The following SLC35A5 variants were observed in gnomAD, a reference collection of about 807,000 sequenced individuals.
SLC35A5 encodes the protein solute carrier family 35 member A5.
In SLC35A5, 28 loss-of-function variants were observed where a neutral mutation model predicts 36.3. That is an observed-to-expected ratio of 0.77 (90% confidence interval 0.57 to 1.06). The LOEUF is 1.06. Ranked by LOEUF, SLC35A5 falls within the 50% of genes least tolerant of loss-of-function variation. SLC35A5 has a pLI of 0.00. For missense variants in SLC35A5, 521 were observed against 499.3 expected (o/e 1.04, Z -0.41); for synonymous variants, 180 against 173.7 (o/e 1.04, Z -0.29).
chr3:112,570,499 GCATTCTC>G, intron 3 of SLC35A5, 34 bp from the exon 4 acceptor site: 3 of 1,563,454 alleles, frequency 1.9e-6, no homozygotes, highest in Non-Finnish European at 2.6e-6. Context: ...AAAAATGTGG[GCATTCTC>G]ATCAAGGTCA....
rs1935009005 is a variant in SLC35A5 at position 112,583,140 on chromosome 3, T to C, written c.*404T>C. ...TTTACATGCCAAAGTCTTCCCTTTT[T>C]AACATTATAAAAGCTAGGTTGTCTC... is the stretch of plus-strand genomic sequence containing the variant. On this transcript the variant is annotated 3_prime_UTR_variant, in exon 7 of 7. Transcript: ENST00000492406. The C allele has an allele frequency of 2.5e-6, 1 of 398,870 alleles. No individual in the cohort carries two copies. The highest frequency in any genetic ancestry group is 4.4e-6 in the Non-Finnish European group (1 of 226,370). The allele number at this position is 398,870 out of a possible 1,614,324, so 24.7% of individuals were successfully genotyped here. A position where few individuals can be genotyped will look rare whatever the true frequency, so the allele number is the denominator to read the frequency against.
At position 112,562,482 on chromosome 3, in the gene SLC35A5, G is replaced by A. The variant is rs565139220; in HGVS notation, c.-20+209G>A. 1.2e-4 allele frequency among the ~76,000 whole-genome samples: 18 copies of A among 152,334 alleles called. No individual in the cohort carries two copies. In the East Asian group the frequency reaches 3.5e-3, roughly 29 times the overall value. On this transcript the variant is annotated intron_variant, in intron 1 of 6. Transcript: ENST00000492406. ...TCTCCCCACTCCCCGCAGGCTCTAT[G>A]CGCTATTCCTACAGTACGCTGGGAG... is the stretch of plus-strand genomic sequence containing the variant.
In SLC35A5 at chr3:112,584,219, AGAGT is replaced by A. The variant is rs1222525742; in HGVS notation, c.*1487_*1490del. On this transcript the variant is annotated 3_prime_UTR_variant, in exon 7 of 7. Coordinates refer to ENST00000492406, the MANE Select transcript of SLC35A5 (RefSeq NM_017945.5). ...TAGAGTACTTTTAATCTTAAAAAATAGAGTGAGACAAAAACCTACACAACTTTTA... is the reference window on the plus strand; with the variant it reads ...TAGAGTACTTTTAATCTTAAAAAATAGAGACAAAAACCTACACAACTTTTA... 6.6e-6 allele frequency: 1 copy of A among 152,188 alleles called. No homozygotes were observed. The highest frequency in any genetic ancestry group is 2.4e-5 in the African/African-American group (1 of 41,450). 9.4% of individuals were successfully genotyped at this position (152,188 alleles called of 1,614,324 possible). A position where few individuals can be genotyped will look rare whatever the true frequency, so the allele number is the denominator to read the frequency against.
chr3:112,574,494 C>G lies in SLC35A5; in HGVS notation c.428+538C>G, dbSNP rs76060166. ...ATGTTATCACCAGTTTTTACTATCTCCAAGAGGACCGTTGAATAGTATAAA... is the reference window on the plus strand; with the variant it reads ...ATGTTATCACCAGTTTTTACTATCTGCAAGAGGACCGTTGAATAGTATAAA... On this transcript the variant is annotated intron_variant, in intron 5 of 6. Transcript: ENST00000492406. 7.1e-3 allele frequency among the ~76,000 whole-genome samples: 1,078 copies of G among 152,150 alleles called. 11 individuals carry two copies. Among genetic ancestry groups the G allele is most frequent in the African/African-American group, 0.024 (1,009 of 41,516 alleles).
Position 112,580,856 on chromosome 3 carries a change from A to G in SLC35A5, c.739A>G (p.Asn247Asp), listed in dbSNP as rs751359097. The change falls in exon 6 of 7, where the codon AAT becomes GAT. Residue 247 changes from asparagine to aspartate, a missense_variant. By Grantham distance (23) the Asn-to-Asp change is conservative (BLOSUM62 1). Transcript: ENST00000492406. ...IVQCFISSMA[N>D]IYNEKILKEG... ...CCAGTGTTTTATTTCTTCAATGGCT[A>G]ATATCTATAATGAAAAGATACTGAA... The G allele has an allele frequency of 6.2e-7, 1 of 1,614,176 alleles. No individual in the cohort carries two copies. Among genetic ancestry groups the G allele is most frequent in the Admixed American group, 1.7e-5 (1 of 60,012 alleles).
rs749139954 is a variant in SLC35A5 at position 112,573,929 on chromosome 3, C to T, written c.401C>T (p.Thr134Ile). Residue 134 changes from threonine to isoleucine, a missense_variant, in exon 5 of 7, where the codon ACA becomes ATA. By Grantham distance (89) the Thr-to-Ile change is moderately conservative (BLOSUM62 -1). Coordinates refer to ENST00000492406, the MANE Select transcript of SLC35A5 (RefSeq NM_017945.5). ...TTCTCAAATTTTAGCATTATAACAACAGCTCTTCTATTCAGGATAGTGCTG... is the reference window on the plus strand; with the variant it reads ...TTCTCAAATTTTAGCATTATAACAATAGCTCTTCTATTCAGGATAGTGCTG... ...VIFSNFSIIT[T>I]ALLFRIVLKR... 1.3e-5 allele frequency: 21 copies of T among 1,613,376 alleles called. No homozygotes were observed. The highest frequency in any genetic ancestry group is 1.8e-5 in the Non-Finnish European group (21 of 1,179,506).
upstream of SLC35A5, chr3:112,561,577 C>T (rs757005529): frequency 5.1e-6 from 8 of 1,576,308 alleles, no homozygotes; most frequent in South Asian, 7.9e-5. Context: ...GAAAGTGCAG[C>T]CGTGTCAGGG....
intron 5 of SLC35A5, among the ~76,000 whole-genome samples, chr3:112,576,686 A>G (rs1559861809): frequency 6.6e-6 from 1 of 152,116 alleles, no homozygotes; most frequent in Admixed American, 6.5e-5. Flanking sequence ...AGCTTAGCAT[A>G]TTGTCTTCAC....
chr3:112,562,779 C>T (rs1028800324), intron 1 of SLC35A5, among the ~76,000 whole-genome samples: 6 of 152,170 alleles, frequency 3.9e-5, no homozygotes, highest in African/African-American at 1.4e-4. Flanking sequence ...AGAGTAAAAG[C>T]GAGGCCGGGC....
At chr3:112,561,356 A>AG, upstream of SLC35A5, 1 of 1,269,084 alleles carries the variant, frequency 7.9e-7, no homozygotes. Context: ...CTGCCTTCCT[A>AG]CACCTTGCCC....
Position 112,580,561 on chromosome 3 carries a change from G to T in SLC35A5, c.444G>T (p.Trp148Cys). 6.2e-7 allele frequency: 1 copy of T among 1,612,576 alleles called. No homozygotes were observed. The highest frequency in any genetic ancestry group is 8.5e-7 in the Non-Finnish European group (1 of 1,179,284). Residue 148 changes from tryptophan (W) to cysteine (C), a missense_variant, in exon 6 of 7, where the codon TGG (tryptophan) becomes TGT (cysteine). Coordinates refer to ENST00000492406, the MANE Select transcript of SLC35A5 (RefSeq NM_017945.5). ...FRIVLKRRLN[W>C]IQWASLLTLF... is the part of the protein sequence containing the mutation. ...CTTTGAACAGGAGGCGTCTAAACTG[G>T]ATCCAGTGGGCTTCCCTCCTGACTT...
chr3:112,573,608 A>G (rs1934544174), intron 4 of SLC35A5, among the ~76,000 whole-genome samples: 1 of 152,242 alleles, frequency 6.6e-6, no homozygotes, highest in African/African-American at 2.4e-5. Context: ...AAGCATAGCA[A>G]CTGTCATTTC....
chr3:112,579,484 G>C (rs556094254), intron 5 of SLC35A5, among the ~76,000 whole-genome samples: 64 of 151,840 alleles, frequency 4.2e-4, no homozygotes, highest in African/African-American at 1.4e-3. Context: ...GAGGCCTCCT[G>C]ACAACGCCAA....
intron 1 of SLC35A5, 127 bp from the exon 2 acceptor site, chr3:112,563,258 C>G: frequency 1.6e-6 from 1 of 616,566 alleles, no homozygotes; most frequent in Non-Finnish European, 2.5e-6. Context: ...TATGCCTCAA[C>G]TTTCTTGGTG....
intron 4 of SLC35A5, among the ~76,000 whole-genome samples, chr3:112,571,342 A>G (rs1388872131): frequency 6.6e-6 from 1 of 152,148 alleles, no homozygotes; most frequent in Admixed American, 6.5e-5. Flanking sequence ...TCACATGTAT[A>G]TTTCCCTTTA....
chr3:112,561,874 C>T (rs1046845667), upstream of SLC35A5: 7 of 285,680 alleles, frequency 2.5e-5, no homozygotes, highest in Non-Finnish European at 4.6e-5. Flanking sequence ...TGTCTGTCCT[C>T]GCTTTGCTTC....
Position 112,585,560 on chromosome 3 carries a change from A to G in SLC35A5, c.*2824A>G, listed in dbSNP as rs1935117413. ...ACATGTACCCCTTCAATCTGAAATA[A>G]AAGTTGTTTTTTTTTTTAAGATGCG... On this transcript the variant is annotated 3_prime_UTR_variant, in exon 7 of 7. Transcript: ENST00000492406. 1 of 45,946 alleles carries G rather than the reference A, an allele frequency of 2.2e-5. No homozygotes were observed. Among genetic ancestry groups the G allele is most frequent in the Non-Finnish European group, 4.2e-5 (1 of 23,774 alleles). 2.8% of individuals were successfully genotyped at this position (45,946 alleles called of 1,614,324 possible). A position where few individuals can be genotyped will look rare whatever the true frequency, so the allele number is the denominator to read the frequency against.
chr3:112,565,844 A>T (rs956869869), intron 2 of SLC35A5, among the ~76,000 whole-genome samples: 4 of 152,326 alleles, frequency 2.6e-5, no homozygotes, highest in African/African-American at 9.6e-5. Flanking sequence ...GAGGTTGGTA[A>T]GTCTCAGATT....
At chr3:112,569,145 T>G in intron 2 of SLC35A5, 26 bp from the exon 3 acceptor site, 1 of 1,562,862 alleles carries the variant, frequency 6.4e-7, no homozygotes. Flanking sequence ...AATATATAGT[T>G]AAAAAACATT....
Sources: allele counts gnomAD v4.1 joint callset (sites outside exome capture counted in the v4.1 genomes callset), GRCh38; gene constraint gnomAD v4.1.1; transcripts MANE v1.5; gene names NCBI Gene and HGNC (gene_info 2026-07-23, HGNC 2026-07-21).